The following RTEL1 variants were observed in gnomAD, a reference collection of about 807,000 sequenced individuals.
RTEL1 encodes regulator of telomere length.
Under a neutral mutation model 162.2 loss-of-function variants are expected in RTEL1, and 86 were observed. The observed-to-expected ratio is 0.53, with a 90% CI of 0.45 to 0.63. The LOEUF (loss-of-function observed/expected upper bound fraction) is 0.63, where lower values mean the gene tolerates loss of function less well. RTEL1 is among the 30% of genes least tolerant of loss of function. The pLI, the probability that RTEL1 is intolerant of heterozygous loss-of-function variation, is 0.00. For synonymous variants in RTEL1, 958 were observed against 717.9 expected (o/e 1.33, Z -5.35); for missense variants, 1,941 against 1,750.2 (o/e 1.11, Z -1.95).
chr20:63,686,195 G>A, intron 16 of RTEL1: 2 of 442,714 alleles, frequency 4.5e-6, no homozygotes, highest in Non-Finnish European at 8.4e-6. Flanking sequence ...CCTCCACAGT[G>A]AGGCACGGCT....
At chr20:63,664,590 C>T (rs3787102) in intron 6 of RTEL1, among the ~76,000 whole-genome samples, 68,367 of 152,100 alleles carry the variant, frequency 0.45, 15,947 homozygotes, top group Middle Eastern at 0.51. Context: ...ACAGGCCAGC[C>T]CCTGCCTGTC....
At chr20:63,676,197 G>C (rs1203845531) in intron 10 of RTEL1, among the ~76,000 whole-genome samples, 1 of 152,128 alleles carries the variant, frequency 6.6e-6, no homozygotes. Flanking sequence ...TGATCCTCCT[G>C]CCTCGGCCTC....
Position 63,685,045 on chromosome 20 carries a change from G to GTT in RTEL1, c.1192-460_1192-459dup, listed in dbSNP as rs745351879. 7.6e-3 allele frequency among the ~76,000 whole-genome samples: 972 copies of GTT among 127,460 alleles called. 15 individuals are homozygous for GTT. The highest frequency in any genetic ancestry group is 0.027 in the African/African-American group (928 of 34,052). The allele number at this position is 127,460 out of a possible 152,430, so 83.6% of individuals were successfully genotyped here. A position where few individuals can be genotyped will look rare whatever the true frequency, so the allele number is the denominator to read the frequency against. ...GGCACATGCCACCATGCCCGGCTAG[G>GTT]TTTTTTTTTTTTTTTTTTTGGTGAA... On this transcript the variant is annotated intron_variant, in intron 14 of 34. Coordinates refer to ENST00000360203, the MANE Select transcript of RTEL1 (RefSeq NM_001283009.2).
chr20:63,695,679 TGGGTGTA>T (rs1452745364), intron 34 of RTEL1, 29 bp downstream of exon 34: 1 of 1,610,708 alleles, frequency 6.2e-7, no homozygotes, highest in Admixed American at 1.7e-5. Context: ...CAGTTCCTGC[TGGGTGTA>T]GCCCCAGGTG....
chr20:63,672,424 C>T (rs2090262359), intron 8 of RTEL1, 132 bp from the exon 9 acceptor site: 2 of 742,828 alleles, frequency 2.7e-6, no homozygotes, highest in Non-Finnish European at 2.3e-6. Flanking sequence ...GGTCTGGCCT[C>T]TGCTCTCGAC....
At chr20:63,679,658 G>T (rs999186057) in intron 12 of RTEL1, among the ~76,000 whole-genome samples, 191 bp from the exon 13 acceptor site, 1 of 152,142 alleles carries the variant, frequency 6.6e-6, no homozygotes, top group South Asian at 2.1e-4. Context: ...AACTTCCACA[G>T]TTGTTGCCTT....
rs1380620060 is a variant in RTEL1 at position 63,696,146 on chromosome 20, C to G, written c.*288C>G. 2.0e-6 allele frequency: 1 copy of G among 498,794 alleles called. No homozygotes were observed. Among genetic ancestry groups the G allele is most frequent in the Non-Finnish European group, 3.6e-6 (1 of 280,240 alleles). 30.9% of individuals were successfully genotyped at this position (498,794 alleles called of 1,614,324 possible). On this transcript the variant is annotated 3_prime_UTR_variant, in exon 35 of 35. Coordinates refer to ENST00000360203, the MANE Select transcript of RTEL1 (RefSeq NM_001283009.2). Reference sequence around the variant, plus strand: ...CTGTGAGTGGTGCCACAGGGGCACCCCAGCTGAGCCCCTCACCGGGAAGGA... The same window carrying G: ...CTGTGAGTGGTGCCACAGGGGCACCGCAGCTGAGCCCCTCACCGGGAAGGA...
intron 27 of RTEL1, 128 bp from the exon 28 acceptor site, chr20:63,691,614 C>A (rs1389498967): frequency 4.0e-6 from 3 of 751,796 alleles, no homozygotes; most frequent in Admixed American, 2.2e-5. Flanking sequence ...TGTGCTGTGC[C>A]CCCCTCCCCC....
intron 12 of RTEL1, among the ~76,000 whole-genome samples, chr20:63,678,725 A>ACC (rs2090419536): frequency 1.3e-5 from 1 of 74,504 alleles, no homozygotes; most frequent in African/African-American, 5.4e-5. Context: ...CAGCACACAC[A>ACC]CCCACGGAAC....
At chr20:63,680,857 T>C (rs1291068233) in intron 14 of RTEL1, 138 bp downstream of exon 14, 9 of 1,498,436 alleles carry the variant, frequency 6.0e-6, no homozygotes, top group Non-Finnish European at 8.1e-6. Flanking sequence ...ATTGGCAAAC[T>C]CTCGGCTCCT....
intron 33 of RTEL1, 43 bp from the exon 34 acceptor site, chr20:63,695,285 G>A (rs1205804193): frequency 6.3e-7 from 1 of 1,592,416 alleles, no homozygotes; most frequent in South Asian, 1.1e-5. Context: ...GGAGTGAGCA[G>A]CAAAGCCCCA....
In RTEL1 at chr20:63,659,282, C is replaced by T. The variant is rs902654004; in HGVS notation, c.-121C>T. ...GAGAACAGCGTTGTGTCCCAGTGCA[C>T]ATGCTCGCATCGCTTACCAGGAGTG... On this transcript the variant is annotated 5_prime_UTR_variant, in exon 2 of 35. Coordinates refer to ENST00000360203, the MANE Select transcript of RTEL1 (RefSeq NM_001283009.2). The T allele has an allele frequency of 1.4e-5, 10 of 703,160 alleles. No homozygotes were observed. The highest frequency in any genetic ancestry group is 1.8e-5 in the Non-Finnish European group (7 of 381,922). The allele number at this position is 703,160 out of a possible 1,614,324, so 43.6% of individuals were successfully genotyped here.
At chr20:63,684,351 A>C (rs1462569619) in intron 14 of RTEL1, among the ~76,000 whole-genome samples, 2 of 151,582 alleles carry the variant, frequency 1.3e-5, no homozygotes, top group African/African-American at 2.4e-5. Flanking sequence ...GCCTGAACCA[A>C]TTTCTTTTTG....
At position 63,694,362 on chromosome 20, in the gene RTEL1, T is replaced by A; in HGVS notation, c.2993-10T>A. On this transcript the variant is annotated splice_polypyrimidine_tract_variant and intron_variant, in intron 30 of 34. Transcript: ENST00000360203. The stretch of plus-strand genomic sequence containing the variant: ...TCGACCAGCTTTGTGGCTCTACATC[T>A]CTTCATCAGGAAGAACGGCGCCGGA... 3 of 1,443,370 alleles carry A rather than the reference T, an allele frequency of 2.1e-6. No individual in the cohort carries two copies. Among genetic ancestry groups the A allele is most frequent in the Non-Finnish European group, 2.8e-6 (3 of 1,068,444 alleles). The allele number at this position is 1,443,370 out of a possible 1,614,324, so 89.4% of individuals were successfully genotyped here. A position where few individuals can be genotyped will look rare whatever the true frequency, so the allele number is the denominator to read the frequency against.
At position 63,693,576 on chromosome 20, in the gene RTEL1, TCCACCACCACCACCTCCACCTCCACCA is replaced by T. The variant is rs1568721004; in HGVS notation, c.2992+302_2992+328del. Among the ~76,000 whole-genome samples, 23 of 3,976 alleles carry T rather than the reference TCCACCACCACCACCTCCACCTCCACCA, an allele frequency of 5.8e-3. 1 individual carries two copies. Among genetic ancestry groups the T allele is most frequent in the African/African-American group, 0.023 (23 of 990 alleles). The allele number at this position is 3,976 out of a possible 152,430, so 2.6% of individuals were successfully genotyped here. The stretch of plus-strand genomic sequence containing the variant: ...CACCTCCACCTCCACCACCTCCACC[TCCACCACCACCACCTCCACCTCCACCA>T]CCACCACCTCCACCTCCACCACCAC... On this transcript the variant is annotated intron_variant, in intron 30 of 34. Coordinates refer to ENST00000360203, the MANE Select transcript of RTEL1 (RefSeq NM_001283009.2).
Position 63,662,559 on chromosome 20 carries a change from G to C in RTEL1, c.409G>C (p.Val137Leu). ...RNTSYRPKVC[V>L]LGSREQLCIH... is the part of the protein sequence containing the mutation. ...CTCTCCCACCAGGCCTAAGGTGTGT[G>C]TGCTGGGCTCCCGGGAGCAGCTGTG... is the stretch of plus-strand genomic sequence containing the variant. The change falls in exon 5 of 35, where the codon GTG becomes CTG. Residue 137 changes from valine to leucine, a missense_variant. Transcript: ENST00000360203. 4 of 1,614,098 alleles carry C rather than the reference G, an allele frequency of 2.5e-6. No individual in the cohort carries two copies. Among genetic ancestry groups the C allele is most frequent in the Non-Finnish European group, 2.5e-6 (3 of 1,180,032 alleles).
intron 14 of RTEL1, among the ~76,000 whole-genome samples, 181 bp from the exon 15 acceptor site, chr20:63,685,342 G>A (rs1211484749): frequency 6.6e-6 from 1 of 152,222 alleles, no homozygotes; most frequent in African/African-American, 2.4e-5. Context: ...GGTCCCTGCA[G>A]GGAGGAGAAA....
Position 63,695,134 on chromosome 20 carries a change from C to A in RTEL1, c.3412C>A (p.Arg1138=), listed in dbSNP as rs6062495. The change falls in exon 33 of 35, where the codon CGG becomes AGG. Residue 1138 remains arginine (R), a synonymous_variant. Coordinates refer to ENST00000360203, the MANE Select transcript of RTEL1 (RefSeq NM_001283009.2). ...ACAGACGTGCACAGACCTGACCGGC[C>A]GGCCCTACCCGGGCATGGAGCCACC... is the stretch of plus-strand genomic sequence containing the variant. ...FSQTCTDLTG[R]PYPGMEPPGP... is the part of the protein sequence containing the mutation. 14,307 of 1,612,400 alleles carry A rather than the reference C, an allele frequency of 8.9e-3. 87 individuals carry two copies. The highest frequency in any genetic ancestry group is 0.011 in the Non-Finnish European group (12,434 of 1,179,860).
Position 63,679,870 on chromosome 20 carries a change from T to C in RTEL1, c.1059T>C (p.Ala353=), listed in dbSNP as rs774062676. 5 of 1,611,310 alleles carry C rather than the reference T, an allele frequency of 3.1e-6. No individual in the cohort carries two copies. The highest frequency in any genetic ancestry group is 4.2e-6 in the Non-Finnish European group (5 of 1,179,964). The change falls in exon 13 of 35, where the codon GCT becomes GCC. Residue 353 remains alanine (A), a synonymous_variant. Coordinates refer to ENST00000360203, the MANE Select transcript of RTEL1 (RefSeq NM_001283009.2). The stretch of plus-strand genomic sequence containing the variant: ...GCAGCTACATCTTTGAGCTGTTTGC[T>C]GAAGCCCAGATCACGTTTCAGACCA... ...KPGSYIFELF[A]EAQITFQTKG...
Sources: allele counts gnomAD v4.1 joint callset (sites outside exome capture counted in the v4.1 genomes callset), GRCh38; gene constraint gnomAD v4.1.1; transcripts MANE v1.5; gene names NCBI Gene and HGNC (gene_info 2026-07-23, HGNC 2026-07-21).